The following AKR1C3 variants were observed in gnomAD, a reference collection of about 807,000 sequenced individuals.
AKR1C3 encodes 3-alpha hydroxysteroid dehydrogenase, type II.
In AKR1C3, 48 loss-of-function variants were observed where a neutral mutation model predicts 43.6. The ratio of observed to expected loss-of-function variants is 1.10; its 90% confidence interval spans 0.87 to 1.40. The LOEUF is 1.40. Among genes scored for constraint, AKR1C3 ranks in the 40% most tolerant of loss-of-function variants. AKR1C3 has a pLI of 0.00. For missense variants in AKR1C3, 482 were observed against 391.2 expected (o/e 1.23, Z -1.96); for synonymous variants, 162 against 139.6 (o/e 1.16, Z -1.13).
At position 5,098,862 on chromosome 10, in the gene AKR1C3, C is replaced by T. The variant is rs1554785548; in HGVS notation, c.430C>T (p.Leu144Phe). Residue 144 changes from leucine (L) to phenylalanine (F), a missense_variant, in exon 4 of 9, where the codon CTC becomes TTC. Physicochemically the swap from Leu to Phe is conservative, Grantham distance 22. Transcript: ENST00000380554. ...AAAAGTAATATTTGACATAGTGGAT[C>T]TCTGTACCACCTGGGAGGTGAGTGC... The part of the protein sequence containing the change: ...NGKVIFDIVD[L>F]CTTWEAMEKC... The T allele has an allele frequency of 1.2e-6, 2 of 1,613,336 alleles. No individual in the cohort carries two copies. The highest frequency in any genetic ancestry group is 1.7e-5 in the Admixed American group (1 of 59,962).
intron 1 of AKR1C3, among the ~76,000 whole-genome samples, chr10:5,049,841 T>C (rs1437489895): frequency 5.3e-5 from 8 of 152,224 alleles, no homozygotes; most frequent in African/African-American, 1.9e-4. Flanking sequence ...TTATTAAAAA[T>C]ATTTAGGACT....
intron 7 of AKR1C3, 95 bp downstream of exon 7, chr10:5,102,745 C>T: frequency 6.7e-7 from 1 of 1,500,066 alleles, no homozygotes; most frequent in Non-Finnish European, 8.9e-7. Flanking sequence ...GGGCCAGCTC[C>T]ATTTCCCTGT....
chr10:5,075,780 A>G (rs1838704091), intron 1 of AKR1C3, among the ~76,000 whole-genome samples: 1 of 152,146 alleles, frequency 6.6e-6, no homozygotes, highest in Non-Finnish European at 1.5e-5. Flanking sequence ...AGGCTGAGGC[A>G]GGAGAATCAC....
chr10:5,098,417 T>G (rs2131841612), intron 3 of AKR1C3, among the ~76,000 whole-genome samples: 1 of 152,324 alleles, frequency 6.6e-6, no homozygotes, highest in South Asian at 2.1e-4. Context: ...CTATCAACTC[T>G]TCAGGTGGTC....
rs369551667 is a variant in AKR1C3 at position 5,051,181 on chromosome 10, C to T, written c.84+2286C>T. Reference sequence around the variant, plus strand: ...CGTGGTCTCGGCTAACTGCAACCTCCGCCTTCTGTGTTCAAATGATTCTCG... The same window carrying T: ...CGTGGTCTCGGCTAACTGCAACCTCTGCCTTCTGTGTTCAAATGATTCTCG... On this transcript the variant is annotated intron_variant, in intron 1 of 8. Coordinates refer to the AKR1C3 transcript ENST00000439082. Among the ~76,000 whole-genome samples, 20 of 152,256 alleles carry T rather than the reference C, an allele frequency of 1.3e-4. 1 individual carries two copies. Among genetic ancestry groups the T allele is most frequent in the Admixed American group, 7.2e-4 (11 of 15,280 alleles).
At chr10:5,056,265 AG>A (rs1271896748) in intron 1 of AKR1C3, among the ~76,000 whole-genome samples, 5 of 152,166 alleles carry the variant, frequency 3.3e-5, no homozygotes, top group Admixed American at 6.5e-5. Flanking sequence ...GGATCCTCAA[AG>A]GCAAAGAGGA....
chr10:5,056,927 C>A (rs1838273740), intron 1 of AKR1C3, among the ~76,000 whole-genome samples: 1 of 152,186 alleles, frequency 6.6e-6, no homozygotes, highest in Admixed American at 6.5e-5. Flanking sequence ...GGACAGTCAT[C>A]CAGGACAGGA....
intron 1 of AKR1C3, among the ~76,000 whole-genome samples, chr10:5,072,296 A>G (rs1238702299): frequency 1.3e-5 from 2 of 152,232 alleles, no homozygotes; most frequent in African/African-American, 4.8e-5. Flanking sequence ...CTGCAATTAG[A>G]ATCTTTAAAG....
At chr10:5,106,753 C>CAA (rs782740812) in intron 8 of AKR1C3, among the ~76,000 whole-genome samples, 1 of 136,114 alleles carries the variant, frequency 7.3e-6, no homozygotes. Flanking sequence ...GGCTCCATCT[C>CAA]AAAAAAAAAA....
chr10:5,060,897 C>G (rs1838370339), intron 1 of AKR1C3, among the ~76,000 whole-genome samples: 1 of 152,230 alleles, frequency 6.6e-6, no homozygotes, highest in Non-Finnish European at 1.5e-5. Flanking sequence ...TGCTAAGTCC[C>G]TCACTGCCTG....
At chr10:5,092,093 C>G (rs1299924078), upstream of AKR1C3, among the ~76,000 whole-genome samples, 4 of 151,740 alleles carry the variant, frequency 2.6e-5, no homozygotes, top group African/African-American at 9.7e-5. Context: ...TTATTTTTAC[C>G]ACATTAAATG....
intron 1 of AKR1C3, among the ~76,000 whole-genome samples, chr10:5,053,412 C>T (rs1838194219): frequency 6.6e-6 from 1 of 152,246 alleles, no homozygotes; most frequent in East Asian, 1.9e-4. Flanking sequence ...GCCTGCTGAG[C>T]ACATGCCCAC....
At chr10:5,092,680 C>T (rs1306006504), upstream of AKR1C3, among the ~76,000 whole-genome samples, 4 of 151,782 alleles carry the variant, frequency 2.6e-5, no homozygotes, top group Admixed American at 6.6e-5. Context: ...CTCATTTTTC[C>T]GTATATGCTT....
intron 1 of AKR1C3, among the ~76,000 whole-genome samples, chr10:5,083,445 T>G (rs1838881869): frequency 6.6e-6 from 1 of 152,158 alleles, no homozygotes; most frequent in African/African-American, 2.4e-5. Context: ...CCATGGTGTA[T>G]AGGTGCCACA....
At chr10:5,084,797 C>G (rs1375675091) in intron 1 of AKR1C3, among the ~76,000 whole-genome samples, 1 of 152,086 alleles carries the variant, frequency 6.6e-6, no homozygotes, top group Non-Finnish European at 1.5e-5. Context: ...CTTCACATCC[C>G]TTGTAAGTTG....
At chr10:5,092,365 CATA>C (rs1333576475), upstream of AKR1C3, among the ~76,000 whole-genome samples, 1 of 151,986 alleles carries the variant, frequency 6.6e-6, no homozygotes, top group Non-Finnish European at 1.5e-5. Flanking sequence ...GTTTTCACCA[CATA>C]ATCTCTCCAC....
At chr10:5,091,486 GC>G (rs1812909786), upstream of AKR1C3, among the ~76,000 whole-genome samples, 2 of 151,986 alleles carry the variant, frequency 1.3e-5, no homozygotes, top group African/African-American at 2.4e-5. Context: ...TATGTCTTTA[GC>G]TTTTTGTCCT....
At chr10:5,102,314 A>G in intron 6 of AKR1C3, 104 bp downstream of exon 6, 16 of 1,583,788 alleles carry the variant, frequency 1.0e-5, no homozygotes, top group Middle Eastern at 1.8e-4. Flanking sequence ...TGGCTCATGG[A>G]GAGGAAAGAG....
intron 1 of AKR1C3, among the ~76,000 whole-genome samples, chr10:5,085,573 G>A (rs1259173568): frequency 6.6e-6 from 1 of 151,780 alleles, no homozygotes; most frequent in African/African-American, 2.4e-5. Context: ...TTGGTATCAG[G>A]ATGACGCTGG....
Sources: allele counts gnomAD v4.1 joint callset (sites outside exome capture counted in the v4.1 genomes callset), GRCh38; gene constraint gnomAD v4.1.1; transcripts MANE v1.5; gene names NCBI Gene and HGNC (gene_info 2026-07-23, HGNC 2026-07-21).